Variants in KCNH1 observed in about 807,000 individuals in gnomAD.
KCNH1 encodes voltage-gated delayed rectifier potassium channel KCNH1.
Under a neutral mutation model 69.2 loss-of-function variants are expected in KCNH1, and 27 were observed. The ratio of observed to expected loss-of-function variants is 0.39; its 90% CI spans 0.29 to 0.54. The LOEUF (loss-of-function observed/expected upper bound fraction) is 0.54. Ranked by LOEUF, KCNH1 falls within the 20% of genes least tolerant of loss-of-function variation. The probability of loss-of-function intolerance (pLI) is 0.68; values close to 1 mark genes in which losing one functional copy is unlikely to be tolerated. For synonymous variants in KCNH1, 456 were observed against 487.7 expected (o/e 0.93, Z 0.86); for missense variants, 798 against 1,261.6 (o/e 0.63, Z 5.57).
In KCNH1 at chr1:211,019,039, A is replaced by G; in HGVS notation, c.776T>C (p.Val259Ala). The G allele has an allele frequency of 6.2e-7, 1 of 1,614,004 alleles. No individual in the cohort carries two copies. The highest frequency in any genetic ancestry group is 1.7e-5 in the Admixed American group (1 of 59,970). ...AWLVVDSIVD[V>A]IFLVDIVLNF... ...GAGCACAATGTCCACCAAAAAGATA[A>G]CATCCACGATGCTATCAACAACCAG... is the stretch of plus-strand genomic sequence containing the variant. The change falls in exon 6 of 11, where the codon GTT (valine) becomes GCT (alanine). Residue 259 changes from valine to alanine, a missense_variant. By Grantham distance (64) the Val-to-Ala change is moderately conservative. Transcript: ENST00000271751.
At chr1:210,972,787 T>C (rs1688533502) in intron 6 of KCNH1, among the ~76,000 whole-genome samples, 1 of 152,020 alleles carries the variant, frequency 6.6e-6, no homozygotes, top group Non-Finnish European at 1.5e-5. Context: ...TCTAGATGGT[T>C]CTTCAAGCAA....
intron 5 of KCNH1, among the ~76,000 whole-genome samples, chr1:211,053,223 C>T (rs905915151): frequency 2.6e-5 from 4 of 152,198 alleles, no homozygotes; most frequent in Admixed American, 2.6e-4. Context: ...ACTTTCACTT[C>T]TAGTAATCTA....
chr1:210,849,503 A>T (rs1685637455), intron 7 of KCNH1, among the ~76,000 whole-genome samples: 1 of 151,144 alleles, frequency 6.6e-6, no homozygotes, highest in African/African-American at 2.4e-5. Context: ...GGTAGCTGGG[A>T]TTACAAGCAT....
intron 6 of KCNH1, among the ~76,000 whole-genome samples, chr1:210,963,676 G>A (rs778228036): frequency 1.6e-4 from 24 of 151,754 alleles, no homozygotes; most frequent in East Asian, 3.9e-4. Context: ...TTGATCAAGC[G>A]GAAGAAAGGA....
chr1:210,987,299 C>T (rs541858518), intron 6 of KCNH1, among the ~76,000 whole-genome samples: 51 of 152,316 alleles, frequency 3.3e-4, no homozygotes, highest in African/African-American at 1.1e-3. Context: ...AGCCATTCTC[C>T]ACCCAGCTTT....
At chr1:210,951,628 G>A (rs1053201044) in intron 6 of KCNH1, among the ~76,000 whole-genome samples, 57 of 152,218 alleles carry the variant, frequency 3.7e-4, no homozygotes, top group Admixed American at 1.4e-3. Context: ...ATAGAAAAAC[G>A]TATTGGTAAT....
At chr1:210,828,833 C>T (rs530379725) in intron 7 of KCNH1, among the ~76,000 whole-genome samples, 1 of 152,176 alleles carries the variant, frequency 6.6e-6, no homozygotes, top group Non-Finnish European at 1.5e-5. Context: ...TCTGAGCCAT[C>T]CCCAGCTAAA....
intron 10 of KCNH1, among the ~76,000 whole-genome samples, chr1:210,684,584 C>T (rs996760638): frequency 6.6e-6 from 1 of 152,172 alleles, no homozygotes; most frequent in African/African-American, 2.4e-5. Flanking sequence ...AGTATCTCTG[C>T]ACAAAAGTTT....
intron 10 of KCNH1, among the ~76,000 whole-genome samples, chr1:210,688,482 A>G (rs929714083): frequency 4.6e-5 from 7 of 152,326 alleles, no homozygotes; most frequent in Admixed American, 1.3e-4. Flanking sequence ...CCTCCCTCCA[A>G]AAATCTGCTT....
At chr1:211,119,620 A>T (rs1010401424) in intron 1 of KCNH1, among the ~76,000 whole-genome samples, 1 of 152,190 alleles carries the variant, frequency 6.6e-6, no homozygotes, top group Non-Finnish European at 1.5e-5. Context: ...AAATTAAATC[A>T]GTATGATATA....
intron 5 of KCNH1, among the ~76,000 whole-genome samples, chr1:211,076,852 A>T (rs1477363608): frequency 6.6e-6 from 1 of 152,342 alleles, no homozygotes; most frequent in Non-Finnish European, 1.5e-5. Flanking sequence ...CAAGGAAGCT[A>T]AAACCTTGAA....
intron 5 of KCNH1, among the ~76,000 whole-genome samples, chr1:211,070,424 A>C (rs866786296): frequency 1.0e-3 from 110 of 110,156 alleles, no homozygotes; most frequent in Middle Eastern, 5.0e-3. Context: ...CCTTTAAAAA[A>C]AAAAAAACAC....
chr1:211,009,818 A>C (rs1689360146), intron 6 of KCNH1, among the ~76,000 whole-genome samples: 1 of 152,238 alleles, frequency 6.6e-6, no homozygotes, highest in Non-Finnish European at 1.5e-5. Context: ...TATGTTAGCC[A>C]GGCTGGTCTG....
intron 7 of KCNH1, among the ~76,000 whole-genome samples, chr1:210,806,572 T>G (rs1684554069): frequency 6.6e-6 from 1 of 151,754 alleles, no homozygotes; most frequent in Non-Finnish European, 1.5e-5. Flanking sequence ...GTACTTATTT[T>G]TTTTCTTTTG....
At chr1:210,943,073 A>G (rs984503967) in intron 6 of KCNH1, among the ~76,000 whole-genome samples, 2 of 152,196 alleles carry the variant, frequency 1.3e-5, no homozygotes, top group African/African-American at 4.8e-5. Flanking sequence ...TCTCACAACT[A>G]TCCTATGGAA....
At chr1:210,961,576 C>T (rs1007581638) in intron 6 of KCNH1, among the ~76,000 whole-genome samples, 3 of 152,164 alleles carry the variant, frequency 2.0e-5, no homozygotes, top group African/African-American at 2.4e-5. Flanking sequence ...CACAGTGGCT[C>T]GAGCCTGTAA....
At chr1:210,716,540 G>C (rs141475579) in intron 10 of KCNH1, among the ~76,000 whole-genome samples, 1 of 152,124 alleles carries the variant, frequency 6.6e-6, no homozygotes, top group African/African-American at 2.4e-5. Flanking sequence ...ATTTACTACA[G>C]GGTTCTTCAA....
intron 6 of KCNH1, among the ~76,000 whole-genome samples, chr1:210,927,421 A>G (rs1180598285): frequency 6.6e-6 from 1 of 152,228 alleles, no homozygotes; most frequent in East Asian, 1.9e-4. Context: ...CTCCTTAAAC[A>G]AAACAATTAG....
intron 7 of KCNH1, among the ~76,000 whole-genome samples, chr1:210,816,717 G>A (rs1336449486): frequency 6.6e-6 from 1 of 152,058 alleles, no homozygotes; most frequent in African/African-American, 2.4e-5. Flanking sequence ...AATTAACAAA[G>A]CCATTTAAAA....
Sources: allele counts gnomAD v4.1 joint callset (sites outside exome capture counted in the v4.1 genomes callset), GRCh38; gene constraint gnomAD v4.1.1; transcripts MANE v1.5; gene names NCBI Gene and HGNC (gene_info 2026-07-23, HGNC 2026-07-21).